The following GAREM1 variants were observed in gnomAD, a reference collection of about 807,000 sequenced individuals.
GAREM1 encodes GRB2 associated regulator of MAPK1 subtype 1, also known as GRB2-associated and regulator of MAPK protein 1.
A neutral mutation model predicts 71.3 loss-of-function variants in GAREM1; 26 were observed. That is an observed-to-expected ratio of 0.36 (90% CI 0.27 to 0.51). GAREM1 has a LOEUF of 0.51. Ranked by LOEUF, GAREM1 falls within the 20% of genes least tolerant of loss-of-function variation. The probability of loss-of-function intolerance (pLI) is 0.95; values close to 1 mark genes in which losing one functional copy is unlikely to be tolerated. For missense variants in GAREM1, 1,026 were observed against 1,103.1 expected, an observed-to-expected ratio of 0.93 and a Z score of 0.99; for synonymous variants, 440 against 433.2, an observed-to-expected ratio of 1.02 and a Z score of -0.20.
At chr18:32,398,968 C>T (rs2048285174) in intron 1 of GAREM1, among the ~76,000 whole-genome samples, 1 of 152,174 alleles carries the variant, frequency 6.6e-6, no homozygotes, top group South Asian at 2.1e-4. Flanking sequence ...AAGGCTTATC[C>T]ACCATGATCA....
intron 1 of GAREM1, among the ~76,000 whole-genome samples, chr18:32,422,962 A>AG (rs2048534452): frequency 1.3e-5 from 2 of 152,204 alleles, no homozygotes. Flanking sequence ...CTTGGTCTCA[A>AG]ACATTATACC....
intron 1 of GAREM1, among the ~76,000 whole-genome samples, chr18:32,408,192 T>C (rs2048383627): frequency 6.6e-6 from 1 of 152,196 alleles, no homozygotes; most frequent in Non-Finnish European, 1.5e-5. Flanking sequence ...TTGTAGAGGC[T>C]GTATTACTTT....
At chr18:32,357,485 T>C (rs1455480754) in intron 2 of GAREM1, among the ~76,000 whole-genome samples, 1 of 152,152 alleles carries the variant, frequency 6.6e-6, no homozygotes, top group African/African-American at 2.4e-5. Flanking sequence ...ACAGAGACAC[T>C]TGATTTGTGT....
intron 3 of GAREM1, among the ~76,000 whole-genome samples, chr18:32,300,777 A>G (rs890215636): frequency 6.6e-6 from 1 of 151,242 alleles, no homozygotes; most frequent in African/African-American, 2.5e-5. Flanking sequence ...ATGGTGGTGC[A>G]TGCCTGTAAT....
At chr18:32,373,040 T>C (rs1217219606) in intron 2 of GAREM1, among the ~76,000 whole-genome samples, 2 of 152,204 alleles carry the variant, frequency 1.3e-5, no homozygotes, top group Non-Finnish European at 2.9e-5. Context: ...TGTTTGACAA[T>C]GCTTTTCTGT....
chr18:32,447,376 A>G (rs1274666827), intron 1 of GAREM1, among the ~76,000 whole-genome samples: 1 of 152,176 alleles, frequency 6.6e-6, no homozygotes, highest in African/African-American at 2.4e-5. Flanking sequence ...TTACTTTCGC[A>G]TATTTAAAAG....
intron 3 of GAREM1, among the ~76,000 whole-genome samples, chr18:32,293,566 T>G (rs1259883605): frequency 6.6e-6 from 1 of 152,236 alleles, no homozygotes; most frequent in African/African-American, 2.4e-5. Flanking sequence ...TATTTATTAC[T>G]ATTATACTTT....
intron 5 of GAREM1, among the ~76,000 whole-genome samples, chr18:32,269,926 G>C (rs926524153): frequency 3.9e-5 from 6 of 152,096 alleles, no homozygotes; most frequent in Non-Finnish European, 8.8e-5. Flanking sequence ...TGACTTGTGA[G>C]AACTGATGGC....
chr18:32,303,953 G>C (rs948950399), intron 3 of GAREM1, among the ~76,000 whole-genome samples: 1 of 141,582 alleles, frequency 7.1e-6, no homozygotes, highest in East Asian at 2.3e-4. Context: ...AGAAATAAGA[G>C]AGAGGTGAGA....
In GAREM1 at chr18:32,450,219, C is replaced by T. The variant is rs143992950; in HGVS notation, c.121+20089G>A. Among the ~76,000 whole-genome samples, 673 of 152,298 alleles carry T rather than the reference C, an allele frequency of 4.4e-3. 15 individuals are homozygous for T. The highest frequency in any genetic ancestry group is 0.036 in the Admixed American group (553 of 15,306). On this transcript the variant is annotated intron_variant, in intron 1 of 5. Transcript: ENST00000269209. ...AACTGATCTTCTGTTCCGACTGTAA[C>T]GGCTATCCTTTGCAATACTTTCTCT...
intron 3 of GAREM1, among the ~76,000 whole-genome samples, chr18:32,305,086 T>C (rs905974828): frequency 6.6e-6 from 1 of 151,468 alleles, no homozygotes; most frequent in South Asian, 2.1e-4. Flanking sequence ...GGAAAACAAG[T>C]AAACGAAAAC....
At chr18:32,292,112 T>A (rs993225412) in intron 3 of GAREM1, among the ~76,000 whole-genome samples, 4 of 152,196 alleles carry the variant, frequency 2.6e-5, no homozygotes, top group Non-Finnish European at 5.9e-5. Context: ...CTACCAACAG[T>A]GTAAAAGCAT....
At position 32,265,884 on chromosome 18, in the gene GAREM1, T is replaced by C. The variant is rs2041366503; in HGVS notation, c.*1987A>G. 1 of 152,092 alleles carries C rather than the reference T, an allele frequency of 6.6e-6. No individual in the cohort carries two copies. Among genetic ancestry groups the C allele is most frequent in the Admixed American group, 6.5e-5 (1 of 15,276 alleles). The allele number at this position is 152,092 out of a possible 1,614,324, so 9.4% of individuals were successfully genotyped here. A position where few individuals can be genotyped will look rare whatever the true frequency, so the allele number is the denominator to read the frequency against. The stretch of plus-strand genomic sequence containing the variant: ...GCTTAGTAACTGCATCTTGTCTGTT[T>C]TTATTTTAAAAAGAAGTTCTGAGAG... On this transcript the variant is annotated 3_prime_UTR_variant, in exon 6 of 6. Coordinates refer to ENST00000269209, the MANE Select transcript of GAREM1 (RefSeq NM_001242409.2).
At chr18:32,467,689 G>C (rs1341711336) in intron 1 of GAREM1, among the ~76,000 whole-genome samples, 2 of 152,170 alleles carry the variant, frequency 1.3e-5, no homozygotes, top group East Asian at 3.9e-4. Context: ...TCAACTAGTG[G>C]CATGTTTTTC....
Position 32,330,124 on chromosome 18 carries a change from G to A in GAREM1, c.263-19801C>T, listed in dbSNP as rs565972177. Among the ~76,000 whole-genome samples, 3 of 152,168 alleles carry A rather than the reference G, an allele frequency of 2.0e-5. No individual in the cohort carries two copies. In the East Asian group the frequency reaches 5.8e-4, roughly 29 times the overall value. On this transcript the variant is annotated intron_variant, in intron 2 of 5. Transcript: ENST00000269209. ...ATCAACATAAGGGCCCATCGATGAT[G>A]GACTGTATAAAGAAAATGTGGTACA... is the stretch of plus-strand genomic sequence containing the variant.
At chr18:32,301,790 TG>T (rs2047204541) in intron 3 of GAREM1, among the ~76,000 whole-genome samples, 2 of 152,350 alleles carry the variant, frequency 1.3e-5, no homozygotes, top group Admixed American at 6.5e-5. Context: ...AATTGTTCAC[TG>T]GAAGAGTCTT....
At chr18:32,367,086 A>G (rs924575125) in intron 2 of GAREM1, among the ~76,000 whole-genome samples, 2 of 152,220 alleles carry the variant, frequency 1.3e-5, no homozygotes, top group Non-Finnish European at 2.9e-5. Context: ...CAACAAAACC[A>G]CACAACATAA....
At chr18:32,463,979 T>C (rs1296630638) in intron 1 of GAREM1, among the ~76,000 whole-genome samples, 2 of 138,794 alleles carry the variant, frequency 1.4e-5, no homozygotes, top group Non-Finnish European at 3.1e-5. Context: ...TAATGATGAG[T>C]ACGTGGTTAA....
intron 3 of GAREM1, among the ~76,000 whole-genome samples, chr18:32,288,813 A>T (rs2047052423): frequency 6.6e-6 from 1 of 152,132 alleles, no homozygotes; most frequent in Non-Finnish European, 1.5e-5. Flanking sequence ...TATATACACA[A>T]TTCTGTTACC....
Sources: allele counts gnomAD v4.1 joint callset (sites outside exome capture counted in the v4.1 genomes callset), GRCh38; gene constraint gnomAD v4.1.1; transcripts MANE v1.5; gene names NCBI Gene and HGNC (gene_info 2026-07-23, HGNC 2026-07-21).